AP3B1: variants seen among roughly 807,000 people sequenced by gnomAD.
AP3B1 encodes AP-3 complex subunit beta-1.
In AP3B1, 61 loss-of-function variants were observed where a neutral mutation model predicts 132.5. The observed-to-expected ratio is 0.46, with a 90% CI of 0.37 to 0.57. AP3B1 has a LOEUF of 0.57. AP3B1 is among the 20% of genes least tolerant of loss of function. The probability of loss-of-function intolerance (pLI) is 0.00; values close to 1 mark genes in which losing one functional copy is unlikely to be tolerated. For missense variants in AP3B1, 1,120 were observed against 1,289.4 expected, an observed-to-expected ratio of 0.87 and a Z score of 2.01; for synonymous variants, 388 against 438.3, an observed-to-expected ratio of 0.89 and a Z score of 1.43.
intron 7 of AP3B1, among the ~76,000 whole-genome samples, chr5:78,194,052 C>G (rs1053676709): frequency 7.9e-5 from 12 of 152,020 alleles, no homozygotes; most frequent in Admixed American, 6.6e-4. Context: ...CAGGCGTGAG[C>G]CACCACTCCT....
At chr5:78,244,966 G>T (rs919474313) in intron 2 of AP3B1, among the ~76,000 whole-genome samples, 4 of 152,044 alleles carry the variant, frequency 2.6e-5, no homozygotes, top group Non-Finnish European at 5.9e-5. Flanking sequence ...CTGCACTCCA[G>T]CGTGGTGACA....
At chr5:78,004,045 T>G (rs967889883) in intron 26 of AP3B1, among the ~76,000 whole-genome samples, 1 of 152,130 alleles carries the variant, frequency 6.6e-6, no homozygotes, top group African/African-American at 2.4e-5. Flanking sequence ...CATGAGCTTT[T>G]GAAAACACTA....
intron 17 of AP3B1, among the ~76,000 whole-genome samples, chr5:78,117,172 C>CTTT (rs70997968): frequency 8.2e-6 from 1 of 122,242 alleles, no homozygotes; most frequent in Non-Finnish European, 1.7e-5. Context: ...TCCCCACCAC[C>CTTT]TTTTTTTTTT....
At chr5:78,262,357 C>T (rs1748130942) in intron 2 of AP3B1, among the ~76,000 whole-genome samples, 1 of 152,102 alleles carries the variant, frequency 6.6e-6, no homozygotes, top group Non-Finnish European at 1.5e-5. Flanking sequence ...ATAGTTTTAG[C>T]TCTTACATTT....
At chr5:78,285,723 A>T (rs903542334) in intron 1 of AP3B1, among the ~76,000 whole-genome samples, 2 of 152,174 alleles carry the variant, frequency 1.3e-5, no homozygotes, top group African/African-American at 4.8e-5. Flanking sequence ...GCTATTCCAA[A>T]CTTCGAGCTG....
At chr5:78,214,396 C>T (rs1017691863) in intron 7 of AP3B1, among the ~76,000 whole-genome samples, 1 of 151,946 alleles carries the variant, frequency 6.6e-6, no homozygotes, top group African/African-American at 2.4e-5. Flanking sequence ...AATAAACAGA[C>T]AAATATACAA....
At chr5:78,235,130 G>C (rs564999019) in intron 3 of AP3B1, among the ~76,000 whole-genome samples, 44 of 151,986 alleles carry the variant, frequency 2.9e-4, no homozygotes, top group Non-Finnish European at 5.6e-4. Flanking sequence ...CTGGTAATTA[G>C]GACTCTAGGT....
At chr5:78,253,730 G>C (rs1747733520) in intron 2 of AP3B1, among the ~76,000 whole-genome samples, 1 of 152,144 alleles carries the variant, frequency 6.6e-6, no homozygotes, top group Non-Finnish European at 1.5e-5. Flanking sequence ...ACTTTGGGAG[G>C]CTGAGGTAGA....
intron 7 of AP3B1, among the ~76,000 whole-genome samples, chr5:78,186,594 G>A (rs1265268895): frequency 6.6e-6 from 1 of 152,180 alleles, no homozygotes; most frequent in Non-Finnish European, 1.5e-5. Context: ...GGAAAATTGA[G>A]TAAAGGTTAT....
At chr5:78,018,656 G>T (rs945296901) in intron 25 of AP3B1, among the ~76,000 whole-genome samples, 1 of 146,366 alleles carries the variant, frequency 6.8e-6, no homozygotes, top group Non-Finnish European at 1.5e-5. Flanking sequence ...TAGAAAAATC[G>T]GTTAAAGCTG....
rs573093897 is a variant in AP3B1 at position 78,116,460 on chromosome 5, T to C, written c.1969-226A>G. ...CTATGTTAAACCAACAATCTTATTTTAAATATACAATTTTTAAAACTTTTG... is the reference window on the plus strand; with the variant it reads ...CTATGTTAAACCAACAATCTTATTTCAAATATACAATTTTTAAAACTTTTG... On this transcript the variant is annotated intron_variant, in intron 17 of 26. Transcript: ENST00000255194. Among the ~76,000 whole-genome samples the C allele has an allele frequency of 2.1e-3, 314 of 152,314 alleles. 1 individual carries two copies. Among genetic ancestry groups the C allele is most frequent in the Admixed American group, 3.1e-3 (47 of 15,296 alleles).
chr5:78,197,633 G>A (rs1181792343), intron 7 of AP3B1, among the ~76,000 whole-genome samples: 1 of 152,028 alleles, frequency 6.6e-6, no homozygotes, highest in Admixed American at 6.5e-5. Flanking sequence ...TAAGATACAG[G>A]GAGACTTATT....
At chr5:78,274,033 A>G (rs1230659216) in intron 1 of AP3B1, among the ~76,000 whole-genome samples, 102 of 67,012 alleles carry the variant, frequency 1.5e-3, no homozygotes, top group South Asian at 0.014. Context: ...GAAAAAAAGG[A>G]AAAAAAAAAA....
chr5:78,005,804 T>C (rs1037631205), intron 26 of AP3B1, among the ~76,000 whole-genome samples: 16 of 152,218 alleles, frequency 1.1e-4, no homozygotes, highest in African/African-American at 3.6e-4. Context: ...CAAAAACCAC[T>C]ACCCCAGATT....
At chr5:78,199,574 T>TA (rs1745209808) in intron 7 of AP3B1, among the ~76,000 whole-genome samples, 1 of 152,036 alleles carries the variant, frequency 6.6e-6, no homozygotes, top group Admixed American at 6.5e-5. Flanking sequence ...ATCTCTAAAA[T>TA]AAAAAGTTTA....
rs139126154 is a variant in AP3B1 at position 78,228,863 on chromosome 5, T to G, written c.280-624A>C. ...CAGTCCAGTAAGAATAATGTGTGAC[T>G]ATGAATACCAATTTAACGTAATAAA... On this transcript the variant is annotated intron_variant, in intron 3 of 26. Transcript: ENST00000255194. Among the ~76,000 whole-genome samples, 347 of 152,386 alleles carry G rather than the reference T, an allele frequency of 2.3e-3. 1 individual carries two copies. The highest frequency in any genetic ancestry group is 4.0e-3 in the Non-Finnish European group (271 of 68,040).
intron 1 of AP3B1, among the ~76,000 whole-genome samples, chr5:78,278,616 AAAAAAAAAAGGGG>A (rs1182270176): frequency 5.2e-5 from 4 of 77,554 alleles, no homozygotes; most frequent in African/African-American, 1.5e-4. Context: ...AAAAAAAAAA[AAAAAAAAAAGGGG>A]GGGGGGGACT....
At chr5:78,195,471 C>T (rs1268618464) in intron 7 of AP3B1, among the ~76,000 whole-genome samples, 1 of 152,102 alleles carries the variant, frequency 6.6e-6, no homozygotes, top group Non-Finnish European at 1.5e-5. Flanking sequence ...CACAAAAGAG[C>T]CAAGACAATA....
chr5:78,074,720 A>G (rs1306636093), intron 22 of AP3B1, among the ~76,000 whole-genome samples: 1 of 152,212 alleles, frequency 6.6e-6, no homozygotes. Flanking sequence ...AGGCTGAGAC[A>G]GGTGGATCAC....
Sources: gnomAD v4.1 joint callset for allele counts (sites outside exome capture counted in the v4.1 genomes callset) on GRCh38, gnomAD v4.1.1 for gene constraint, MANE v1.5 for transcripts, NCBI Gene and HGNC (gene_info 2026-07-23, HGNC 2026-07-21) for gene names.